The following PPP6C variants were observed in gnomAD, a reference collection of about 807,000 sequenced individuals.
The protein encoded by PPP6C is protein phosphatase 6 catalytic subunit, also known as serine/threonine-protein phosphatase 6 catalytic subunit.
PPP6C carries 11 observed loss-of-function variants against 39.8 expected under a neutral mutation model. That is an observed-to-expected ratio of 0.28 (90% CI 0.17 to 0.46). The LOEUF is 0.46. Ranked by LOEUF, PPP6C falls within the 20% of genes least tolerant of loss-of-function variation. The probability of loss-of-function intolerance (pLI) is 1.00; values close to 1 mark genes in which losing one functional copy is unlikely to be tolerated. For synonymous variants in PPP6C, 129 were observed against 130.3 expected, an observed-to-expected ratio of 0.99 and a Z score of 0.07; for missense variants, 211 against 373.9, an observed-to-expected ratio of 0.56 and a Z score of 3.59.
In PPP6C at chr9:125,148,816, T is replaced by C. The variant is rs927038468; in HGVS notation, c.*857A>G. On this transcript the variant is annotated 3_prime_UTR_variant, in exon 7 of 7. Coordinates refer to ENST00000373547, the MANE Select transcript of PPP6C (RefSeq NM_002721.5). ...GAGGATATAAACCAAAACATTAATA[T>C]GGCAGTTATGTTCTTTAGGCACAGT... 1 of 152,208 alleles carries C rather than the reference T, an allele frequency of 6.6e-6. No homozygotes were observed. The highest frequency in any genetic ancestry group is 1.5e-5 in the Non-Finnish European group (1 of 68,024). The allele number at this position is 152,208 out of a possible 1,614,324, so 9.4% of individuals were successfully genotyped here.
Position 125,149,550 on chromosome 9 carries a change from A to T in PPP6C, c.*123T>A, listed in dbSNP as rs1216758260. On this transcript the variant is annotated 3_prime_UTR_variant, in exon 7 of 7. Transcript: ENST00000373547. ...TTAGATAATTTAAAATTTAAAAAAA[A>T]AAAGGCAAGAGGCAGCATTTCAGCA... The T allele has an allele frequency of 2.5e-6, 3 of 1,187,118 alleles. No homozygotes were observed. Among genetic ancestry groups the T allele is most frequent in the Non-Finnish European group, 3.5e-6 (3 of 859,514 alleles). The allele number at this position is 1,187,118 out of a possible 1,614,324, so 73.5% of individuals were successfully genotyped here. A position where few individuals can be genotyped will look rare whatever the true frequency, so the allele number is the denominator to read the frequency against.
intron 1 of PPP6C, among the ~76,000 whole-genome samples, chr9:125,186,283 A>C (rs1309324747): frequency 6.6e-6 from 1 of 151,976 alleles, no homozygotes; most frequent in Non-Finnish European, 1.5e-5. Flanking sequence ...ACTTCATGCC[A>C]AGAAACAGAA....
chr9:125,180,751 C>T (rs16927922), intron 1 of PPP6C, among the ~76,000 whole-genome samples: 2,285 of 152,226 alleles, frequency 0.015, 108 homozygotes, highest in Admixed American at 0.082. Flanking sequence ...CCAGAATTTT[C>T]GCTGACATGT....
In PPP6C at chr9:125,148,169, T is replaced by C. The variant is rs542673016; in HGVS notation, c.*1504A>G. ...CAAGAAGCTTAGACTATAAAGATTT[T>C]TATTGCATTTTTAGGTAACCTGGAA... On this transcript the variant is annotated 3_prime_UTR_variant, in exon 7 of 7. Coordinates refer to ENST00000373547, the MANE Select transcript of PPP6C (RefSeq NM_002721.5). 7.4e-5 allele frequency: 13 copies of C among 176,660 alleles called. No individual in the cohort carries two copies. In the South Asian group the frequency reaches 1.3e-3, roughly 18 times the overall value. 10.9% of individuals were successfully genotyped at this position (176,660 alleles called of 1,614,324 possible). A position where few individuals can be genotyped will look rare whatever the true frequency, so the allele number is the denominator to read the frequency against.
At chr9:125,167,379 C>CAAAAAAAAAAAAAAAAAAAAAAA (rs758123351) in intron 2 of PPP6C, among the ~76,000 whole-genome samples, 1 of 56,082 alleles carries the variant, frequency 1.8e-5, no homozygotes, top group African/African-American at 7.6e-5. Context: ...AGACCCTGTC[C>CAAAAAAAAAAAAAAAAAAAAAAA]AAAAAAAAAA....
chr9:125,171,550 GTTTT>G (rs564903539), intron 1 of PPP6C, among the ~76,000 whole-genome samples: 13 of 136,772 alleles, frequency 9.5e-5, no homozygotes, highest in South Asian at 2.3e-4. Flanking sequence ...AGGTTTTTGG[GTTTT>G]TTTGTTTTTT....
chr9:125,179,725 G>A (rs906285039), intron 1 of PPP6C, among the ~76,000 whole-genome samples: 1 of 144,644 alleles, frequency 6.9e-6, no homozygotes, highest in Non-Finnish European at 1.5e-5. Flanking sequence ...GCGTGATATT[G>A]GCTCACTGCA....
At chr9:125,162,210 C>A (rs567361940) in intron 2 of PPP6C, among the ~76,000 whole-genome samples, 2 of 152,136 alleles carry the variant, frequency 1.3e-5, no homozygotes, top group African/African-American at 4.8e-5. Flanking sequence ...GTAATCCCAG[C>A]ACTTTGGGAG....
chr9:125,167,555 TAGTC>T (rs1300806878), intron 2 of PPP6C, among the ~76,000 whole-genome samples: 2 of 146,742 alleles, frequency 1.4e-5, no homozygotes, highest in Non-Finnish European at 3.0e-5. Flanking sequence ...TACAAAAAGT[TAGTC>T]AGGCGTGGTG....
chr9:125,148,410 T>C lies in PPP6C; in HGVS notation c.*1263A>G, dbSNP rs1412767503. 6 of 152,178 alleles carry C rather than the reference T, an allele frequency of 3.9e-5. No homozygotes were observed. Among genetic ancestry groups the C allele is most frequent in the South Asian group, 4.1e-4 (2 of 4,832 alleles). The allele number at this position is 152,178 out of a possible 1,614,324, so 9.4% of individuals were successfully genotyped here. A position where few individuals can be genotyped will look rare whatever the true frequency, so the allele number is the denominator to read the frequency against. ...ATACTTGTCCTTATTAAGTGGACAG[T>C]TGCATATTCAGAACTGATCATCACA... On this transcript the variant is annotated 3_prime_UTR_variant, in exon 7 of 7. Coordinates refer to ENST00000373547, the MANE Select transcript of PPP6C (RefSeq NM_002721.5).
At position 125,189,696 on chromosome 9, in the gene PPP6C, T is replaced by C. The variant is rs1829622945; in HGVS notation, c.23A>G (p.Lys8Arg). The C allele has an allele frequency of 3.1e-6, 5 of 1,610,358 alleles. No individual in the cohort carries two copies. Among genetic ancestry groups the C allele is most frequent in the Non-Finnish European group, 4.2e-6 (5 of 1,178,592 alleles). ...GCACAGCCGCGCTATTTCCACATAC[T>C]TGTCCAGGTCTAGCGGCGCCATTTT... MAPLDLD[K>R]YVEIARLCKY... Residue 8 changes from lysine to arginine, a missense_variant, in exon 1 of 7, where the codon AAG becomes AGG. Lys to Arg is a conservative substitution (Grantham distance 26, BLOSUM62 2). Coordinates refer to ENST00000373547, the MANE Select transcript of PPP6C (RefSeq NM_002721.5).
At chr9:125,176,009 G>A (rs1829290469) in intron 1 of PPP6C, among the ~76,000 whole-genome samples, 1 of 152,154 alleles carries the variant, frequency 6.6e-6, no homozygotes, top group Admixed American at 6.6e-5. Context: ...AAGAGGGATG[G>A]GGTGCTGGGG....
Position 125,151,148 on chromosome 9 carries a change from C to T in PPP6C, c.670-1227G>A, listed in dbSNP as rs190760368. 6,203 of 1,421,882 alleles carry T rather than the reference C, an allele frequency of 4.4e-3. 50 individuals are homozygous for T. Among genetic ancestry groups the T allele is most frequent in the Non-Finnish European group, 4.1e-3 (4,129 of 1,005,104 alleles). The allele number at this position is 1,421,882 out of a possible 1,614,324, so 88.1% of individuals were successfully genotyped here. ...GAGCAGAAGAACTGCACTATTGTTTCATCTGATGCTGGTGGAGCTAAGAGA... is the reference window on the plus strand; with the variant it reads ...GAGCAGAAGAACTGCACTATTGTTTTATCTGATGCTGGTGGAGCTAAGAGA... On this transcript the variant is annotated intron_variant, in intron 6 of 6. Transcript: ENST00000373547.
chr9:125,159,135 T>C (rs1003171374), intron 3 of PPP6C, among the ~76,000 whole-genome samples: 5 of 151,100 alleles, frequency 3.3e-5, no homozygotes, highest in African/African-American at 1.2e-4. Context: ...CCTTCCTGGA[T>C]TCAAGTGATT....
chr9:125,156,744 G>GCTCGCT (rs1554721204), intron 4 of PPP6C, among the ~76,000 whole-genome samples: 4 of 141,342 alleles, frequency 2.8e-5, no homozygotes, highest in Non-Finnish European at 4.6e-5. Context: ...TAATAAGCTC[G>GCTCGCT]CTCTCTCTCT....
At chr9:125,156,338 A>G (rs921748913) in intron 4 of PPP6C, among the ~76,000 whole-genome samples, 13 of 152,162 alleles carry the variant, frequency 8.5e-5, no homozygotes, top group Non-Finnish European at 1.5e-4. Flanking sequence ...CAATGGTGCA[A>G]TCTCGGCTCA....
intron 2 of PPP6C, among the ~76,000 whole-genome samples, chr9:125,167,580 G>A (rs560292342): frequency 6.6e-6 from 1 of 151,806 alleles, no homozygotes; most frequent in African/African-American, 2.4e-5. Context: ...GCACATGCCT[G>A]TAATCTCAGC....
chr9:125,171,478 C>CACACACACATAT (rs1171157245), intron 1 of PPP6C, among the ~76,000 whole-genome samples: 1 of 83,528 alleles, frequency 1.2e-5, no homozygotes, highest in African/African-American at 5.5e-5. Flanking sequence ...CACACACACA[C>CACACACACATAT]ATATATATAT....
rs374480979 is a variant in PPP6C, at chr9:125,160,353, G to A, written c.237+488C>T. 3.3e-4 allele frequency among the ~76,000 whole-genome samples: 50 copies of A among 152,282 alleles called. No homozygotes were observed. In the East Asian group the frequency reaches 6.0e-3, roughly 18 times the overall value. ...TAATTAGAGGACATAGTTAAATGTA[G>A]AAAAGTATACAATCACCTTGATATG... On this transcript the variant is annotated intron_variant, in intron 3 of 6. Transcript: ENST00000373547.
Sources: gnomAD v4.1 joint callset for allele counts (sites outside exome capture counted in the v4.1 genomes callset) on GRCh38, gnomAD v4.1.1 for gene constraint, MANE v1.5 for transcripts, NCBI Gene and HGNC (gene_info 2026-07-23, HGNC 2026-07-21) for gene names.